KCNN2: variants seen among roughly 807,000 people sequenced by gnomAD.
KCNN2 encodes the protein small conductance calcium-activated potassium channel protein 2.
Under a neutral mutation model 55.5 loss-of-function variants are expected in KCNN2, and 24 were observed. That is an observed-to-expected ratio of 0.43 (90% CI 0.31 to 0.61). KCNN2 has a LOEUF of 0.61. Among genes scored for constraint, KCNN2 ranks in the 20% least tolerant of loss-of-function variants. KCNN2 has a pLI of 0.08. For synonymous variants in KCNN2, 431 were observed against 336.1 expected (o/e 1.28, Z -3.09); for missense variants, 754 against 853.6 (o/e 0.88, Z 1.45).
intron 1 of KCNN2, among the ~76,000 whole-genome samples, chr5:114,140,062 T>C (rs1448325260): frequency 1.3e-5 from 2 of 152,174 alleles, no homozygotes; most frequent in Non-Finnish European, 2.9e-5. Context: ...TTATTTTTTA[T>C]ATAAATATGT....
chr5:114,166,467 CA>C (rs1208971233), intron 1 of KCNN2, among the ~76,000 whole-genome samples: 1 of 151,964 alleles, frequency 6.6e-6, no homozygotes. Flanking sequence ...TTGTGTTTTT[CA>C]AAAAACACAT....
chr5:114,219,074 T>C (rs1290866670), intron 1 of KCNN2, among the ~76,000 whole-genome samples: 1 of 152,188 alleles, frequency 6.6e-6, no homozygotes, highest in Non-Finnish European at 1.5e-5. Flanking sequence ...TAAGCGAGTA[T>C]GGGATTCAGC....
In KCNN2 at chr5:114,229,979, C is replaced by A. The variant is rs549694870; in HGVS notation, c.-185+8414C>A. On this transcript the variant is annotated intron_variant, in intron 2 of 10. Coordinates refer to the KCNN2 transcript ENST00000512097. The stretch of plus-strand genomic sequence containing the variant: ...TTTCTTTTTTTGCTTGGTTTGAATG[C>A]CAGGTCTATTAGATAAATACTCCAA... Among the ~76,000 whole-genome samples, 65 of 152,210 alleles carry A rather than the reference C, an allele frequency of 4.3e-4. 2 individuals are homozygous for A. In the South Asian group the frequency reaches 0.013, roughly 31 times the overall value.
intron 1 of KCNN2, among the ~76,000 whole-genome samples, chr5:114,103,470 G>A (rs904122802): frequency 6.6e-6 from 1 of 152,132 alleles, no homozygotes; most frequent in Non-Finnish European, 1.5e-5. Context: ...ATGTTGAGTA[G>A]GAGTGGTGAG....
chr5:114,372,140 C>T (rs1385320572), intron 2 of KCNN2, among the ~76,000 whole-genome samples: 1 of 152,168 alleles, frequency 6.6e-6, no homozygotes. Context: ...ATTGGCAAGA[C>T]TCCAGCGTTT....
intron 1 of KCNN2, among the ~76,000 whole-genome samples, chr5:114,214,891 G>T (rs1032849337): frequency 6.6e-6 from 1 of 152,106 alleles, no homozygotes; most frequent in Non-Finnish European, 1.5e-5. Flanking sequence ...AGCCATCAAT[G>T]AATAACTTTT....
At chr5:114,341,679 A>C (rs1757017720) in intron 2 of KCNN2, among the ~76,000 whole-genome samples, 1 of 152,168 alleles carries the variant, frequency 6.6e-6, no homozygotes, top group African/African-American at 2.4e-5. Flanking sequence ...ACTATGAAAA[A>C]TAAAAAAGAC....
intron 1 of KCNN2, among the ~76,000 whole-genome samples, chr5:114,080,182 T>C (rs150577047): frequency 6.6e-6 from 1 of 152,334 alleles, no homozygotes; most frequent in East Asian, 1.9e-4. Flanking sequence ...ATGAATATTC[T>C]ACCGAATGGT....
At chr5:114,155,138 A>G (rs1471192215) in intron 1 of KCNN2, among the ~76,000 whole-genome samples, 1 of 151,874 alleles carries the variant, frequency 6.6e-6, no homozygotes, top group African/African-American at 2.4e-5. Flanking sequence ...AACATGTGGT[A>G]TTTGGTTTTC....
intron 3 of KCNN2, among the ~76,000 whole-genome samples, chr5:114,450,258 G>A (rs983465318): frequency 6.6e-6 from 1 of 152,120 alleles, no homozygotes; most frequent in South Asian, 2.1e-4. Context: ...ATTAGATTAA[G>A]TGTTTTTGAA....
chr5:114,138,141 C>CA (rs1561490938), intron 1 of KCNN2, among the ~76,000 whole-genome samples: 1 of 151,804 alleles, frequency 6.6e-6, no homozygotes, highest in African/African-American at 2.4e-5. Context: ...AACAAACAAA[C>CA]AAAAAAACCC....
intron 1 of KCNN2, among the ~76,000 whole-genome samples, chr5:114,175,077 T>C (rs1432944765): frequency 1.3e-5 from 2 of 152,230 alleles, no homozygotes; most frequent in Non-Finnish European, 2.9e-5. Context: ...CAGCATGTTA[T>C]GACAGTTTGG....
chr5:114,328,064 G>A (rs1013474489), intron 2 of KCNN2, among the ~76,000 whole-genome samples: 12 of 152,182 alleles, frequency 7.9e-5, no homozygotes, highest in Admixed American at 5.2e-4. Flanking sequence ...ACTTTATTAA[G>A]GCTTATACTG....
At position 114,409,677 on chromosome 5, in the gene KCNN2, C is replaced by G. The variant is rs939298791; in HGVS notation, c.1637+4821C>G. ...GCTAGAGAAAAAGAGAAACAGCTTT[C>G]TAGAGAAGTTTGCATTAAAAACCTA... On this transcript the variant is annotated intron_variant, in intron 3 of 7. Transcript: ENST00000673685. 2.0e-5 allele frequency among the ~76,000 whole-genome samples: 3 copies of G among 152,120 alleles called. No homozygotes were observed. The East Asian group carries it at 5.8e-4, about 29-fold the overall frequency.
At chr5:114,260,158 C>A (rs1011745555) in intron 2 of KCNN2, among the ~76,000 whole-genome samples, 1 of 152,160 alleles carries the variant, frequency 6.6e-6, no homozygotes, top group Non-Finnish European at 1.5e-5. Flanking sequence ...CCTGACTGTC[C>A]TTTCTTCTGC....
chr5:114,448,148 C>G (rs1229811524), intron 3 of KCNN2, among the ~76,000 whole-genome samples: 1 of 152,208 alleles, frequency 6.6e-6, no homozygotes, highest in Non-Finnish European at 1.5e-5. Flanking sequence ...TATTTTCACT[C>G]TTTTATTCAC....
At chr5:114,285,857 A>C (rs1356061371) in intron 2 of KCNN2, among the ~76,000 whole-genome samples, 1 of 151,864 alleles carries the variant, frequency 6.6e-6, no homozygotes, top group Non-Finnish European at 1.5e-5. Context: ...ATAAAGAATT[A>C]GCTGCAGACA....
intron 2 of KCNN2, among the ~76,000 whole-genome samples, chr5:114,331,903 G>A (rs907599965): frequency 6.6e-6 from 1 of 152,148 alleles, no homozygotes; most frequent in Non-Finnish European, 1.5e-5. Context: ...TAAGACTTGT[G>A]CAACCAGCTG....
chr5:114,150,408 TC>T (rs1411529548), intron 1 of KCNN2, among the ~76,000 whole-genome samples: 1 of 152,210 alleles, frequency 6.6e-6, no homozygotes, highest in Non-Finnish European at 1.5e-5. Context: ...TCACTTCCAT[TC>T]TTTTGCCTAT....
Sources: allele counts gnomAD v4.1 joint callset (sites outside exome capture counted in the v4.1 genomes callset), GRCh38; gene constraint gnomAD v4.1.1; transcripts MANE v1.5; gene names NCBI Gene and HGNC (gene_info 2026-07-23, HGNC 2026-07-21).